The following KCNIP4 variants were observed in gnomAD, a reference collection of about 807,000 sequenced individuals.
KCNIP4 encodes the protein Kv channel-interacting protein 4.
A neutral mutation model predicts 34.0 loss-of-function variants in KCNIP4; 12 were observed. The ratio of observed to expected loss-of-function variants is 0.35; its 90% CI spans 0.23 to 0.57. The LOEUF (loss-of-function observed/expected upper bound fraction) is 0.57. Ranked by LOEUF, KCNIP4 falls within the 20% of genes least tolerant of loss-of-function variation. The pLI is 0.83. For synonymous variants in KCNIP4, 124 were observed against 102.2 expected (o/e 1.21, Z -1.29); for missense variants, 238 against 311.7 (o/e 0.76, Z 1.78).
chr4:21,492,698 T>C (rs1169937731), intron 1 of KCNIP4, among the ~76,000 whole-genome samples: 3 of 152,194 alleles, frequency 2.0e-5, no homozygotes, highest in Non-Finnish European at 4.4e-5. Flanking sequence ...CTTTGAAGCG[T>C]ATTTCTTCCC....
chr4:21,355,889 T>C (rs2109390627), intron 1 of KCNIP4, among the ~76,000 whole-genome samples: 1 of 152,260 alleles, frequency 6.6e-6, no homozygotes, highest in Non-Finnish European at 1.5e-5. Flanking sequence ...TGAACATCGA[T>C]GCAAAAATCC....
At chr4:21,919,597 T>C (rs1386143078) in intron 1 of KCNIP4, among the ~76,000 whole-genome samples, 3 of 152,154 alleles carry the variant, frequency 2.0e-5, no homozygotes, top group African/African-American at 7.2e-5. Context: ...GCCCAGCTCC[T>C]GGGATAAATT....
intron 1 of KCNIP4, among the ~76,000 whole-genome samples, chr4:21,435,388 T>C (rs1726861369): frequency 6.6e-6 from 1 of 152,176 alleles, no homozygotes; most frequent in Admixed American, 6.5e-5. Context: ...TAGAAGCAAT[T>C]TAAAATGCAG....
chr4:21,272,824 A>T (rs1371368263), intron 1 of KCNIP4, among the ~76,000 whole-genome samples: 1 of 152,182 alleles, frequency 6.6e-6, no homozygotes, highest in Non-Finnish European at 1.5e-5. Flanking sequence ...AAATGTATAT[A>T]TGCTAATGGA....
At chr4:20,982,165 G>A (rs541815801) in intron 1 of KCNIP4, among the ~76,000 whole-genome samples, 34 of 152,212 alleles carry the variant, frequency 2.2e-4, no homozygotes, top group African/African-American at 6.5e-4. Flanking sequence ...AGAACTGTGC[G>A]CTATCCTCAT....
intron 3 of KCNIP4, among the ~76,000 whole-genome samples, chr4:20,794,039 C>T (rs546697387): frequency 1.3e-5 from 2 of 152,264 alleles, no homozygotes; most frequent in South Asian, 2.1e-4. Flanking sequence ...TAGATTTCCC[C>T]TGCACAAAGT....
chr4:21,660,574 A>G (rs935758908), intron 1 of KCNIP4, among the ~76,000 whole-genome samples: 1 of 152,192 alleles, frequency 6.6e-6, no homozygotes, highest in African/African-American at 2.4e-5. Context: ...GGGAATTTCA[A>G]TAGTAGACTA....
chr4:21,224,502 C>T (rs1233602233), intron 1 of KCNIP4, among the ~76,000 whole-genome samples: 1 of 149,698 alleles, frequency 6.7e-6, no homozygotes, highest in Non-Finnish European at 1.5e-5. Context: ...TTGGGTTGGA[C>T]ACAAACATTC....
chr4:21,565,316 T>A (rs941166491), intron 1 of KCNIP4, among the ~76,000 whole-genome samples: 1 of 152,130 alleles, frequency 6.6e-6, no homozygotes, highest in African/African-American at 2.4e-5. Context: ...GTCTCCCTTC[T>A]TTTACTTTCG....
intron 3 of KCNIP4, among the ~76,000 whole-genome samples, chr4:20,814,828 G>A (rs1001011952): frequency 6.6e-6 from 1 of 152,162 alleles, no homozygotes; most frequent in East Asian, 1.9e-4. Flanking sequence ...TTATTTCTCA[G>A]CAATGGGCTC....
At chr4:21,125,188 C>CTTTATTTTATTTTATT (rs71655614) in intron 1 of KCNIP4, among the ~76,000 whole-genome samples, 2 of 119,086 alleles carry the variant, frequency 1.7e-5, no homozygotes, top group African/African-American at 6.4e-5. Flanking sequence ...TTTATTTTGT[C>CTTTATTTTATTTTATT]TTATTTTATT....
intron 3 of KCNIP4, among the ~76,000 whole-genome samples, chr4:20,770,793 T>C (rs1275242882): frequency 3.3e-5 from 5 of 151,846 alleles, no homozygotes; most frequent in Non-Finnish European, 7.4e-5. Flanking sequence ...AAATTAGCCC[T>C]GCATGGTGGT....
At chr4:20,970,586 A>T (rs115932842) in intron 1 of KCNIP4, among the ~76,000 whole-genome samples, 3 of 152,290 alleles carry the variant, frequency 2.0e-5, no homozygotes, top group Non-Finnish European at 4.4e-5. Context: ...CACAACTCCC[A>T]GAAAGGTGCT....
At chr4:21,622,558 A>G (rs2109180488) in intron 1 of KCNIP4, among the ~76,000 whole-genome samples, 1 of 152,320 alleles carries the variant, frequency 6.6e-6, no homozygotes, top group African/African-American at 2.4e-5. Context: ...AAATCAAGAC[A>G]TGTATTCATA....
intron 1 of KCNIP4, among the ~76,000 whole-genome samples, chr4:21,028,644 T>C (rs1740749377): frequency 6.6e-6 from 1 of 152,188 alleles, no homozygotes; most frequent in Non-Finnish European, 1.5e-5. Context: ...AAATACTTAG[T>C]ACCTTCTAAT....
chr4:21,344,365 T>A (rs1253840072), intron 1 of KCNIP4, among the ~76,000 whole-genome samples: 3 of 152,044 alleles, frequency 2.0e-5, no homozygotes, highest in African/African-American at 4.8e-5. Context: ...AGGAGTGAAA[T>A]AAGCCCTGGA....
chr4:20,845,784 A>G (rs1000549774), intron 3 of KCNIP4, among the ~76,000 whole-genome samples: 1 of 152,142 alleles, frequency 6.6e-6, no homozygotes, highest in African/African-American at 2.4e-5. Flanking sequence ...GTGGCCCTAC[A>G]TTGACAGCCA....
chr4:20,850,293 C>G (rs1237309035), intron 3 of KCNIP4: 1 of 297,638 alleles, frequency 3.4e-6, no homozygotes, highest in African/African-American at 2.1e-5. Context: ...ATATTTCAAC[C>G]AAGAACTGAA....
rs182499543 is a variant in KCNIP4, at chr4:21,361,671, A to G, written c.62-478962T>C. Among the ~76,000 whole-genome samples, 115 of 148,424 alleles carry G rather than the reference A, an allele frequency of 7.7e-4. 1 individual carries two copies. The highest frequency in any genetic ancestry group is 3.5e-3 in the Middle Eastern group (1 of 288). On this transcript the variant is annotated intron_variant, in intron 1 of 8. Transcript: ENST00000382152. The stretch of plus-strand genomic sequence containing the variant: ...AATCTTAAATCCTAAAGTCTCTCAG[A>G]TTGTTTTTTTTTTCATTCTCCTTTT...
Sources: gnomAD v4.1 joint callset for allele counts (sites outside exome capture counted in the v4.1 genomes callset) on GRCh38, gnomAD v4.1.1 for gene constraint, MANE v1.5 for transcripts, NCBI Gene and HGNC (gene_info 2026-07-23, HGNC 2026-07-21) for gene names.